The following CELF2 variants were observed in gnomAD, a reference collection of about 807,000 sequenced individuals.
CELF2 encodes CUG triplet repeat RNA-binding protein 2.
CELF2 carries 8 observed loss-of-function variants against 62.6 expected under a neutral mutation model. The ratio of observed to expected loss-of-function variants is 0.13; its 90% confidence interval spans 0.07 to 0.23. The LOEUF (loss-of-function observed/expected upper bound fraction) is 0.23. CELF2 is among the 10% of genes least tolerant of loss of function. The probability of loss-of-function intolerance (pLI) is 1.00; values close to 1 mark genes in which losing one functional copy is unlikely to be tolerated. For missense variants in CELF2, 333 were observed against 671.0 expected, an observed-to-expected ratio of 0.50 and a Z score of 5.56; for synonymous variants, 258 against 250.0, an observed-to-expected ratio of 1.03 and a Z score of -0.30.
the CELF2 span, among the ~76,000 whole-genome samples, chr10:10,716,495 C>A: frequency 6.6e-6 from 1 of 152,182 alleles, no homozygotes; most frequent in African/African-American, 2.4e-5. Context: ...GAGCTGAGAT[C>A]ACACCACTGT....
chr10:10,738,068 C>T, the CELF2 span, among the ~76,000 whole-genome samples: 1 of 152,152 alleles, frequency 6.6e-6, no homozygotes, highest in Non-Finnish European at 1.5e-5. Flanking sequence ...ACTGGGTTTG[C>T]ATGGAGTTCC....
the CELF2 span, among the ~76,000 whole-genome samples, chr10:10,585,615 G>T: frequency 6.6e-6 from 1 of 152,258 alleles, no homozygotes; most frequent in African/African-American, 2.4e-5. Flanking sequence ...TCCAAGTGCA[G>T]GAAGAACAAT....
intron 2 of CELF2, among the ~76,000 whole-genome samples, chr10:11,209,479 TACTTTCTAAG>T (rs1292169574): frequency 2.0e-5 from 3 of 152,006 alleles, no homozygotes; most frequent in Non-Finnish European, 4.4e-5. Flanking sequence ...GGCCTCCTTG[TACTTTCTAAG>T]AATGTCATTT....
At chr10:10,870,096 T>C (rs1461618493) in intron 1 of CELF2, among the ~76,000 whole-genome samples, 1 of 152,220 alleles carries the variant, frequency 6.6e-6, no homozygotes, top group African/African-American at 2.4e-5. Context: ...ATGGTTAACA[T>C]AATATTAACC....
upstream of CELF2, among the ~76,000 whole-genome samples, chr10:11,017,412 A>AT (rs2057397957): frequency 6.6e-6 from 1 of 152,236 alleles, no homozygotes; most frequent in Non-Finnish European, 1.5e-5. The surrounding 1 kb of genome is among the most constrained non-coding windows in gnomAD (Gnocchi z 5.5). Flanking sequence ...GGGCACTGCG[A>AT]TAAGTCCCTA....
intron 1 of CELF2, among the ~76,000 whole-genome samples, chr10:10,914,672 C>G (rs1391118835): frequency 6.6e-6 from 1 of 152,156 alleles, no homozygotes; most frequent in Non-Finnish European, 1.5e-5. Flanking sequence ...ATCTGAGACA[C>G]AGAGACCCTG....
intron 1 of CELF2, among the ~76,000 whole-genome samples, chr10:10,904,847 A>G (rs1467240433): frequency 6.6e-6 from 1 of 152,208 alleles, no homozygotes; most frequent in Non-Finnish European, 1.5e-5. Context: ...GAAAGTATCA[A>G]TTCCTGAGAA....
At chr10:10,474,395 A>G in the CELF2 span, among the ~76,000 whole-genome samples, 3 of 152,224 alleles carry the variant, frequency 2.0e-5, no homozygotes, top group East Asian at 3.9e-4. Flanking sequence ...AAGTCACCCA[A>G]TCTGAGCAGA....
chr10:10,965,597 A>C (rs1047774056), intron 2 of CELF2, among the ~76,000 whole-genome samples: 3 of 152,196 alleles, frequency 2.0e-5, no homozygotes, highest in Admixed American at 1.3e-4. Flanking sequence ...CACTTTGAGA[A>C]TCATTAGAAC....
intron 4 of CELF2, among the ~76,000 whole-genome samples, chr10:11,254,459 A>T (rs1008881825): frequency 1.3e-5 from 2 of 152,192 alleles, no homozygotes; most frequent in Non-Finnish European, 1.5e-5. Context: ...TAAAAGTGCG[A>T]GTTATCTTTC....
intron 1 of CELF2, among the ~76,000 whole-genome samples, chr10:11,112,430 C>T (rs756863932): frequency 1.3e-5 from 2 of 152,186 alleles, no homozygotes; most frequent in Non-Finnish European, 2.9e-5. Context: ...TTCCTAGTGA[C>T]GTATATGTAC....
chr10:10,470,557 C>T, the CELF2 span, among the ~76,000 whole-genome samples: 2 of 151,812 alleles, frequency 1.3e-5, no homozygotes, highest in African/African-American at 4.8e-5. Flanking sequence ...ACACATATCC[C>T]ATGACCTGTA....
At chr10:11,216,526 A>G (rs907221492) in intron 2 of CELF2, among the ~76,000 whole-genome samples, 4 of 152,194 alleles carry the variant, frequency 2.6e-5, no homozygotes, top group African/African-American at 9.7e-5. Context: ...TCTTTTCCCA[A>G]ACTGATTGTG....
Position 11,319,975 on chromosome 10 carries a change from ACTT to A in CELF2, c.1097-1210_1097-1208del, listed in dbSNP as rs1190373533. 1 of 404,748 alleles carries A rather than the reference ACTT, an allele frequency of 2.5e-6. No homozygotes were observed. The highest frequency in any genetic ancestry group is 5.1e-6 in the Non-Finnish European group (1 of 196,574). The allele number at this position is 404,748 out of a possible 1,614,324, so 25.1% of individuals were successfully genotyped here. A position where few individuals can be genotyped will look rare whatever the true frequency, so the allele number is the denominator to read the frequency against. On this transcript the variant is annotated intron_variant, in intron 10 of 12. Transcript: ENST00000633077. The surrounding 1 kb of genome is among the most constrained non-coding windows in gnomAD (Gnocchi z 4.4). The stretch of plus-strand genomic sequence containing the variant: ...CTTAGCTGTCCTCCATTCTCATTAG[ACTT>A]CTTACCTATTTTTTCAGTTAGCCAT...
chr10:10,475,476 CAA>C, the CELF2 span, among the ~76,000 whole-genome samples: 455 of 143,252 alleles, frequency 3.2e-3, no homozygotes, highest in East Asian at 4.1e-3. Context: ...CTTGGCCACT[CAA>C]AAAAAAAAAA....
chr10:10,563,993 A>G, the CELF2 span, among the ~76,000 whole-genome samples: 2 of 152,172 alleles, frequency 1.3e-5, no homozygotes, highest in Non-Finnish European at 2.9e-5. Context: ...GCTTGATGCT[A>G]TGCATCTTCG....
rs561137902 is a variant in CELF2, at chr10:10,837,571, A to G, written c.53+38754A>G. 1.5e-3 allele frequency among the ~76,000 whole-genome samples: 224 copies of G among 152,288 alleles called. 2 individuals are homozygous for G. The highest frequency in any genetic ancestry group is 2.4e-3 in the Non-Finnish European group (164 of 68,034). Reference sequence around the variant, plus strand: ...TTATTCATGTATCTTTCATGTCTCAATGAAGGTTAGACTATAATGGACGTT... The same window carrying G: ...TTATTCATGTATCTTTCATGTCTCAGTGAAGGTTAGACTATAATGGACGTT... On this transcript the variant is annotated intron_variant, in intron 1 of 13. Transcript: ENST00000636488.
At chr10:11,104,659 G>A (rs2052857625) in intron 1 of CELF2, among the ~76,000 whole-genome samples, 1 of 152,232 alleles carries the variant, frequency 6.6e-6, no homozygotes, top group Admixed American at 6.5e-5. Context: ...TCCAGTCTAG[G>A]TGACAGAATG....
upstream of CELF2, among the ~76,000 whole-genome samples, chr10:11,002,545 C>A (rs529113474): frequency 1.3e-5 from 2 of 152,294 alleles, no homozygotes; most frequent in South Asian, 4.1e-4. The surrounding 1 kb of genome is among the most constrained non-coding windows in gnomAD (Gnocchi z 4.4). Context: ...GCAGGCCCAG[C>A]AGTCGGTAGA....
Sources: gnomAD v4.1 joint callset for allele counts (sites outside exome capture counted in the v4.1 genomes callset) on GRCh38, gnomAD v4.1.1 for gene constraint, Gnocchi (gnomAD v3.1) non-coding constraint, MANE v1.5 for transcripts, NCBI Gene and HGNC (gene_info 2026-07-23, HGNC 2026-07-21) for gene names.